CAPN5: variants seen among roughly 807,000 people sequenced by gnomAD.
The protein encoded by CAPN5 is calpain-5.
In CAPN5, 54 loss-of-function variants were observed where a neutral mutation model predicts 73.0. The observed-to-expected ratio is 0.74, with a 90% CI of 0.59 to 0.93. The LOEUF is 0.93. Ranked by LOEUF, CAPN5 falls within the 40% of genes least tolerant of loss-of-function variation. The pLI is 0.00. For synonymous variants in CAPN5, 335 were observed against 356.9 expected (o/e 0.94, Z 0.69); for missense variants, 785 against 882.9 (o/e 0.89, Z 1.41).
chr11:77,104,426 C>T (rs797040418), intron 3 of CAPN5, among the ~76,000 whole-genome samples: 12 of 152,230 alleles, frequency 7.9e-5, no homozygotes, highest in African/African-American at 2.2e-4. Context: ...AGGGCGAAGG[C>T]GTGGTGGGCA....
intron 1 of CAPN5, among the ~76,000 whole-genome samples, chr11:77,074,992 C>T (rs963898131): frequency 6.6e-6 from 1 of 152,200 alleles, no homozygotes. Context: ...TTCTTCTGGT[C>T]TTTCTGGTTT....
chr11:77,120,759 C>T lies in CAPN5; in HGVS notation c.1337C>T (p.Ala446Val). Residue 446 changes from alanine (A) to valine (V), a missense_variant, in exon 10 of 13, where the codon GCC (alanine) becomes GTC (valine). Ala to Val is a moderately conservative substitution (Grantham distance 64). Coordinates refer to ENST00000648180, the MANE Select transcript of CAPN5 (RefSeq NM_004055.5). ...QYRMHSLQHK[A>V]ASSIYINSRS... Reference sequence around the variant, plus strand: ...CGCATGCACAGCCTGCAGCACAAGGCCGCCAGCTCCATCTACATCAACTCA... The same window carrying T: ...CGCATGCACAGCCTGCAGCACAAGGTCGCCAGCTCCATCTACATCAACTCA... 2 of 1,613,790 alleles carry T rather than the reference C, an allele frequency of 1.2e-6. No individual in the cohort carries two copies. Among genetic ancestry groups the T allele is most frequent in the Non-Finnish European group, 1.7e-6 (2 of 1,179,920 alleles).
intron 3 of CAPN5, among the ~76,000 whole-genome samples, chr11:77,106,267 C>A (rs570252664): frequency 6.7e-6 from 1 of 149,890 alleles, no homozygotes; most frequent in Non-Finnish European, 1.5e-5. Context: ...CGCACCCAAC[C>A]CCCACCCCCG....
chr11:77,112,340 G>C (rs1452268709), intron 3 of CAPN5, among the ~76,000 whole-genome samples: 2 of 152,066 alleles, frequency 1.3e-5, no homozygotes, highest in Admixed American at 1.3e-4. Context: ...AAAGAGGAAA[G>C]CTCACACACT....
chr11:77,067,765 G>A (rs1201315306), intron 1 of CAPN5, among the ~76,000 whole-genome samples: 2 of 151,782 alleles, frequency 1.3e-5, no homozygotes, highest in Non-Finnish European at 2.9e-5. Context: ...GGGGGTCTCG[G>A]AAGACTGGCC....
Position 77,093,785 on chromosome 11 carries a change from T to C in CAPN5, c.269T>C (p.Leu90Pro), listed in dbSNP as rs782717330. ...NCWFVAACSS[L>P]ASRESLWQKV... ...TGGTTTGTGGCAGCCTGCTCGTCACTTGCCTCCCGGGAGTCGCTGTGGCAA... is the reference window on the plus strand; with the variant it reads ...TGGTTTGTGGCAGCCTGCTCGTCACCTGCCTCCCGGGAGTCGCTGTGGCAA... The change falls in exon 3 of 13, where the codon CTT becomes CCT. Residue 90 changes from leucine to proline, a missense_variant. Leu to Pro is a moderately conservative substitution (Grantham distance 98). Transcript: ENST00000648180. 1 of 1,611,776 alleles carries C rather than the reference T, an allele frequency of 6.2e-7. No homozygotes were observed. The highest frequency in any genetic ancestry group is 8.5e-7 in the Non-Finnish European group (1 of 1,179,982).
At chr11:77,081,767 C>T (rs1039992593) in intron 1 of CAPN5, among the ~76,000 whole-genome samples, 4 of 152,086 alleles carry the variant, frequency 2.6e-5, no homozygotes, top group African/African-American at 9.7e-5. Context: ...ATGTGGGCAC[C>T]GGCTGGCACC....
intron 1 of CAPN5, among the ~76,000 whole-genome samples, chr11:77,073,847 T>C (rs1212350464): frequency 2.6e-5 from 4 of 152,114 alleles, no homozygotes; most frequent in Non-Finnish European, 5.9e-5. Context: ...CTGGTTGCCT[T>C]GGCTCTGGCG....
chr11:77,108,585 G>A (rs1417095056), intron 3 of CAPN5, among the ~76,000 whole-genome samples: 2 of 152,112 alleles, frequency 1.3e-5, no homozygotes, highest in East Asian at 1.9e-4. Context: ...AGCGAGCACA[G>A]CCTGATGGAC....
At chr11:77,078,990 TA>T (rs1361281405) in intron 1 of CAPN5, among the ~76,000 whole-genome samples, 1 of 152,158 alleles carries the variant, frequency 6.6e-6, no homozygotes, top group Non-Finnish European at 1.5e-5. Context: ...TGTGTTTTTT[TA>T]AATCAGTGAG....
intron 5 of CAPN5, 70 bp from the exon 6 acceptor site, chr11:77,115,325 C>T (rs1950455084): frequency 1.5e-6 from 2 of 1,341,956 alleles, no homozygotes; most frequent in Non-Finnish European, 2.1e-6. Context: ...TCCTAGCCCT[C>T]CAGCACCTGA....
chr11:77,098,931 G>T (rs1591129738), intron 3 of CAPN5, among the ~76,000 whole-genome samples: 2 of 96,172 alleles, frequency 2.1e-5, no homozygotes, highest in Admixed American at 1.0e-4. Context: ...TCACTTCTCA[G>T]ACGGGGCGGC....
At chr11:77,089,832 C>T (rs563938030) in intron 2 of CAPN5, among the ~76,000 whole-genome samples, 3 of 152,134 alleles carry the variant, frequency 2.0e-5, no homozygotes, top group Non-Finnish European at 4.4e-5. Context: ...CAAGATCGCA[C>T]CATTGCATTC....
intron 1 of CAPN5, among the ~76,000 whole-genome samples, chr11:77,083,131 T>G (rs1426138050): frequency 1.3e-5 from 2 of 151,946 alleles, no homozygotes; most frequent in African/African-American, 4.8e-5. Flanking sequence ...GCCAGAGAAG[T>G]TAAGTGGTTG....
rs782411983 is a variant in CAPN5, at chr11:77,084,929, G to A, written c.43G>A (p.Ala15Thr). 5.0e-6 allele frequency: 8 copies of A among 1,614,064 alleles called. No homozygotes were observed. The Admixed American group carries it at 6.7e-5, about 13-fold the overall frequency. ...GCCCTATGAGGACCAGAACTACTCA[G>A]CCCTGAGGCGGGACTGCCGGCGCAG... ...VKPYEDQNYS[A>T]LRRDCRRRKV... The change falls in exon 2 of 13, where the codon GCC becomes ACC. Residue 15 changes from alanine to threonine, a missense_variant. By Grantham distance (58) the Ala-to-Thr change is moderately conservative. Coordinates refer to ENST00000648180, the MANE Select transcript of CAPN5 (RefSeq NM_004055.5).
intron 1 of CAPN5, among the ~76,000 whole-genome samples, chr11:77,083,734 G>A (rs1425125643): frequency 2.6e-5 from 4 of 152,210 alleles, no homozygotes; most frequent in Non-Finnish European, 4.4e-5. Context: ...TCCAGGAGGT[G>A]CAGCAGCACT....
At chr11:77,111,732 G>A (rs1950412408) in intron 3 of CAPN5, among the ~76,000 whole-genome samples, 1 of 152,158 alleles carries the variant, frequency 6.6e-6, no homozygotes, top group South Asian at 2.1e-4. Flanking sequence ...TAACATCAGA[G>A]CTCAAAGTCA....
intron 3 of CAPN5, chr11:77,103,185 G>T (rs1331616368): frequency 1.2e-6 from 2 of 1,613,700 alleles, no homozygotes; most frequent in Non-Finnish European, 1.7e-6. Flanking sequence ...GGATGCCATA[G>T]ATTGGAATGA....
intron 4 of CAPN5, among the ~76,000 whole-genome samples, chr11:77,113,833 A>G (rs1950436551): frequency 6.6e-6 from 1 of 152,168 alleles, no homozygotes. Flanking sequence ...TTTTAACCAT[A>G]TGGAAACATA....
Sources: allele counts gnomAD v4.1 joint callset (sites outside exome capture counted in the v4.1 genomes callset), GRCh38; gene constraint gnomAD v4.1.1; transcripts MANE v1.5; gene names NCBI Gene and HGNC (gene_info 2026-07-23, HGNC 2026-07-21).